The following SERPINA4 variants were observed in gnomAD, a reference collection of about 807,000 sequenced individuals.
The protein encoded by SERPINA4 is kallistatin.
Under a neutral mutation model 25.4 loss-of-function variants are expected in SERPINA4, and 24 were observed. The observed-to-expected ratio is 0.95, with a 90% CI of 0.69 to 1.33. The LOEUF (loss-of-function observed/expected upper bound fraction) is 1.33, where lower values mean the gene tolerates loss of function less well. SERPINA4 is among the 40% of genes most tolerant of loss of function. The pLI, the probability that SERPINA4 is intolerant of heterozygous loss-of-function variation, is 0.00. For synonymous variants in SERPINA4, 242 were observed against 223.6 expected, an observed-to-expected ratio of 1.08 and a Z score of -0.73; for missense variants, 553 against 535.8, an observed-to-expected ratio of 1.03 and a Z score of -0.32.
In SERPINA4 at chr14:94,563,896, C is replaced by G. The variant is rs767668026; in HGVS notation, c.414C>G (p.Arg138=). 1 of 1,614,172 alleles carries G rather than the reference C, an allele frequency of 6.2e-7. No homozygotes were observed. Among genetic ancestry groups the G allele is most frequent in the Non-Finnish European group, 8.5e-7 (1 of 1,180,040 alleles). The change falls in exon 2 of 5, where the codon CGC becomes CGG. Residue 138 remains arginine (R), a synonymous_variant. Coordinates refer to ENST00000557004, the MANE Select transcript of SERPINA4 (RefSeq NM_006215.4). ...TCCCCGGCCATGGGCTGGAAACACG[C>G]GTGGGCAGTGCTCTGTTCCTGAGCC... ...LNLPGHGLET[R]VGSALFLSHN...
At chr14:94,566,557 C>A (rs1214094294) in intron 2 of SERPINA4, among the ~76,000 whole-genome samples, 1 of 152,168 alleles carries the variant, frequency 6.6e-6, no homozygotes, top group African/African-American at 2.4e-5. Flanking sequence ...TGCATTTGAA[C>A]CCACAAGCTC....
intron 2 of SERPINA4, among the ~76,000 whole-genome samples, chr14:94,566,246 A>G (rs1217301900): frequency 2.6e-5 from 4 of 152,248 alleles, no homozygotes; most frequent in East Asian, 1.9e-4. Flanking sequence ...CAGCAGCTGA[A>G]TGTGGTTGAA....
chr14:94,561,611 G>T, intron 1 of SERPINA4, 117 bp downstream of exon 1: 3 of 1,252,200 alleles, frequency 2.4e-6, no homozygotes, highest in Non-Finnish European at 3.1e-6. Context: ...CTAAAACCAG[G>T]AAAGTCCCAG....
Position 94,567,109 on chromosome 14 carries a change from C to A in SERPINA4, c.789C>A (p.Cys263Ter), listed in dbSNP as rs1902239998. Residue 263 changes from cysteine (C) to a stop codon, truncating the protein, a stop_gained, in exon 3 of 5, where the codon TGC becomes TGA. Transcript: ENST00000557004. LOFTEE classifies it high-confidence loss of function. ...HWYLHDRYLP[C>*]SVLRMDYKGD... ...ATCTTCATGACAGATACTTGCCCTGCTCGGTGCTACGGATGGATTACAAAG... is the reference window on the plus strand; with the variant it reads ...ATCTTCATGACAGATACTTGCCCTGATCGGTGCTACGGATGGATTACAAAG... The A allele has an allele frequency of 6.2e-7, 1 of 1,614,072 alleles. No homozygotes were observed. The highest frequency in any genetic ancestry group is 8.5e-7 in the Non-Finnish European group (1 of 1,180,050).
chr14:94,568,345 A>C, intron 4 of SERPINA4, 57 bp downstream of exon 4: 1 of 1,579,132 alleles, frequency 6.3e-7, no homozygotes, highest in Non-Finnish European at 8.7e-7. Flanking sequence ...TGCCCATGGG[A>C]GCTGCCAGGC....
In SERPINA4 at chr14:94,563,991, C is replaced by A; in HGVS notation, c.509C>A (p.Thr170Asn). ...GTCTATGAGGCTAAACTCTTCCACA[C>A]CAACTTCTACGACACTGTGGGCACA... Reference protein sequence around the residue: ...MAVYEAKLFHTNFYDTVGTIQ... With the variant: ...MAVYEAKLFHNNFYDTVGTIQ... The change falls in exon 2 of 5, where the codon ACC becomes AAC. Residue 170 changes from threonine to asparagine, a missense_variant. Transcript: ENST00000557004. 1.2e-6 allele frequency: 2 copies of A among 1,614,124 alleles called. No homozygotes were observed. The highest frequency in any genetic ancestry group is 1.1e-5 in the South Asian group (1 of 91,078).
chr14:94,564,076 C>G lies in SERPINA4; in HGVS notation c.594C>G (p.Val198=), dbSNP rs1902126376. Residue 198 remains valine, a synonymous_variant, in exon 2 of 5, where the codon GTC becomes GTG. Coordinates refer to ENST00000557004, the MANE Select transcript of SERPINA4 (RefSeq NM_006215.4). ...KETRGKIVDL[V]SELKKDVLMV... Reference sequence around the variant, plus strand: ...CTCGAGGGAAGATTGTGGATTTGGTCAGTGAGCTCAAGAAGGACGTCTTGA... The same window carrying G: ...CTCGAGGGAAGATTGTGGATTTGGTGAGTGAGCTCAAGAAGGACGTCTTGA... 1 of 1,605,514 alleles carries G rather than the reference C, an allele frequency of 6.2e-7. No homozygotes were observed. Among genetic ancestry groups the G allele is most frequent in the Admixed American group, 1.7e-5 (1 of 59,998 alleles).
At position 94,568,293 on chromosome 14, in the gene SERPINA4, G is replaced by C. The variant is rs1048664228; in HGVS notation, c.1083+5G>C. The C allele has an allele frequency of 2.2e-5, 36 of 1,614,036 alleles. No homozygotes were observed. Among genetic ancestry groups the C allele is most frequent in the Non-Finnish European group, 2.9e-5 (34 of 1,180,026 alleles). The stretch of plus-strand genomic sequence containing the variant: ...CAAAAACTGGAGGCATCCAAAGTAA[G>C]TCGTCAACAGTCAGCAATCCCTAGA... On this transcript the variant is annotated splice_donor_5th_base_variant and intron_variant, in intron 4 of 4. Transcript: ENST00000557004.
intron 4 of SERPINA4, among the ~76,000 whole-genome samples, chr14:94,569,006 G>T (rs1174639888): frequency 2.6e-5 from 4 of 152,122 alleles, no homozygotes; most frequent in Admixed American, 2.6e-4. Context: ...GTGCACGAGG[G>T]GGTAGAGCCT....
chr14:94,567,499 G>A (rs1902258637), intron 3 of SERPINA4, among the ~76,000 whole-genome samples: 1 of 152,118 alleles, frequency 6.6e-6, no homozygotes. Flanking sequence ...CTCTTCCACT[G>A]CACAAGACTT....
At position 94,563,698 on chromosome 14, in the gene SERPINA4, G is replaced by A. The variant is rs755691067; in HGVS notation, c.216G>A (p.Gly72=). The A allele has an allele frequency of 3.1e-6, 5 of 1,613,754 alleles. No individual in the cohort carries two copies. Among genetic ancestry groups the A allele is most frequent in the Non-Finnish European group, 4.2e-6 (5 of 1,180,044 alleles). ...FYYLIASETP[G]KNIFFSPLSI... ...ACCTGATCGCTTCGGAGACCCCGGGGAAGAACATCTTTTTCTCCCCGCTGA... is the reference window on the plus strand; with the variant it reads ...ACCTGATCGCTTCGGAGACCCCGGGAAAGAACATCTTTTTCTCCCCGCTGA... The change falls in exon 2 of 5, where the codon GGG becomes GGA. Residue 72 remains glycine (G), a synonymous_variant. Transcript: ENST00000557004.
chr14:94,569,691 A>G lies in SERPINA4; in HGVS notation c.*96A>G. The stretch of plus-strand genomic sequence containing the variant: ...GTGTTTAGAGTTGGGGACAAGGATG[A>G]CACCGAAGGTCCAGGAGTCCAGGAC... On this transcript the variant is annotated 3_prime_UTR_variant, in exon 5 of 5. Coordinates refer to ENST00000557004, the MANE Select transcript of SERPINA4 (RefSeq NM_006215.4). 7.3e-7 allele frequency: 1 copy of G among 1,368,164 alleles called. No individual in the cohort carries two copies. The allele number at this position is 1,368,164 out of a possible 1,614,324, so 84.8% of individuals were successfully genotyped here.
At chr14:94,566,349 A>T (rs759310435) in intron 2 of SERPINA4, among the ~76,000 whole-genome samples, 7 of 152,132 alleles carry the variant, frequency 4.6e-5, no homozygotes, top group Non-Finnish European at 7.3e-5. Context: ...TCCTACCTAC[A>T]TATCTCCACT....
intron 2 of SERPINA4, among the ~76,000 whole-genome samples, chr14:94,564,713 A>T (rs1902148169): frequency 6.6e-6 from 1 of 152,246 alleles, no homozygotes; most frequent in South Asian, 2.1e-4. Flanking sequence ...AGATTGAATG[A>T]TCTGCAATGC....
At chr14:94,561,836 G>C in intron 1 of SERPINA4, 1 of 1,289,826 alleles carries the variant, frequency 7.8e-7, no homozygotes, top group Non-Finnish European at 1.0e-6. Flanking sequence ...CATGCCGGAG[G>C]GGAGGTGTGT....
chr14:94,563,238 G>C (rs141254193), intron 1 of SERPINA4, among the ~76,000 whole-genome samples: 18 of 152,322 alleles, frequency 1.2e-4, no homozygotes, highest in African/African-American at 3.1e-4. Context: ...ACAATGACAT[G>C]ATGGACACAA....
Position 94,563,934 on chromosome 14 carries a change from T to C in SERPINA4, c.452T>C (p.Phe151Ser). The change falls in exon 2 of 5, where the codon TTC becomes TCC. Residue 151 changes from phenylalanine (F) to serine (S), a missense_variant. By Grantham distance (155) the Phe-to-Ser change is radical (BLOSUM62 -2). Coordinates refer to ENST00000557004, the MANE Select transcript of SERPINA4 (RefSeq NM_006215.4). ...SALFLSHNLK[F>S]LAKFLNDTMA... ...CTGTTCCTGAGCCACAACCTGAAGT[T>C]CCTTGCAAAATTCCTGAATGACACC... 6.2e-7 allele frequency: 1 copy of C among 1,614,148 alleles called. No individual in the cohort carries two copies. Among genetic ancestry groups the C allele is most frequent in the Non-Finnish European group, 8.5e-7 (1 of 1,180,030 alleles).
intron 2 of SERPINA4, 54 bp downstream of exon 2, chr14:94,564,185 C>T: frequency 1.9e-6 from 3 of 1,545,062 alleles, no homozygotes; most frequent in Non-Finnish European, 2.6e-6. Context: ...CTCCAACCCA[C>T]TAATTTGTTG....
chr14:94,567,883 C>A (rs1182614902), intron 3 of SERPINA4, among the ~76,000 whole-genome samples: 1 of 152,258 alleles, frequency 6.6e-6, no homozygotes, highest in African/African-American at 2.4e-5. Context: ...CCTGAACACC[C>A]ACAGGAAGCA....
Sources: allele counts gnomAD v4.1 joint callset (sites outside exome capture counted in the v4.1 genomes callset), GRCh38; gene constraint gnomAD v4.1.1; transcripts MANE v1.5; gene names NCBI Gene and HGNC (gene_info 2026-07-23, HGNC 2026-07-21).